UTRN: variants seen among roughly 807,000 people sequenced by gnomAD.
UTRN encodes utrophin.
UTRN carries 283 observed loss-of-function variants against 463.9 expected under a neutral mutation model. The observed-to-expected ratio is 0.61, with a 90% CI of 0.55 to 0.67. The LOEUF (loss-of-function observed/expected upper bound fraction) is 0.67. UTRN is among the 30% of genes least tolerant of loss of function. The pLI is 0.00. For synonymous variants in UTRN, 1,442 were observed against 1,431.5 expected (o/e 1.01, Z -0.17); for missense variants, 3,922 against 4,084.3 (o/e 0.96, Z 1.08).
At chr6:144,527,547 G>GC (rs1354780316) in intron 41 of UTRN, among the ~76,000 whole-genome samples, 1 of 152,200 alleles carries the variant, frequency 6.6e-6, no homozygotes, top group African/African-American at 2.4e-5. Context: ...TAGATCTCTA[G>GC]CAAAGCCGGG....
intron 33 of UTRN, among the ~76,000 whole-genome samples, chr6:144,494,643 G>A (rs1793416455): frequency 6.6e-6 from 1 of 152,164 alleles, no homozygotes; most frequent in Admixed American, 6.5e-5. Context: ...GCTGATTGGT[G>A]CGTTTACAAT....
At chr6:144,724,329 A>G (rs1787596222) in intron 53 of UTRN, among the ~76,000 whole-genome samples, 1 of 149,424 alleles carries the variant, frequency 6.7e-6, no homozygotes, top group Non-Finnish European at 1.5e-5. Context: ...CCCGAGTTCA[A>G]GTGATTCTCC....
intron 13 of UTRN, among the ~76,000 whole-genome samples, chr6:144,441,491 C>G (rs536819162): frequency 6.6e-6 from 1 of 152,232 alleles, no homozygotes; most frequent in African/African-American, 2.4e-5. Context: ...GGTAGGTTCC[C>G]ATGGTCTTGG....
rs937791461 is a variant in UTRN, at chr6:144,286,848, T to C, written c.-93+1027T>C. ...TCGGGTTCTAACTCCACGGCCCCGC[T>C]CTCTGAGGTGTTCAGGACAGGGCCT... is the stretch of plus-strand genomic sequence containing the variant. On this transcript the variant is annotated intron_variant, in intron 1 of 74. Transcript: ENST00000367545. This position sits in a 1 kb window ranked among gnomAD's most constrained non-coding sequence, Gnocchi z 4.4. Among the ~76,000 whole-genome samples the C allele has an allele frequency of 4.6e-5, 7 of 151,584 alleles. No individual in the cohort carries two copies. The highest frequency in any genetic ancestry group is 6.6e-5 in the Admixed American group (1 of 15,216).
At chr6:144,771,820 T>C in intron 58 of UTRN, 87 bp from the exon 59 acceptor site, 1 of 1,088,914 alleles carries the variant, frequency 9.2e-7, no homozygotes, top group East Asian at 2.6e-5. Context: ...TTGAAAAAAA[T>C]CATTTCTACT....
At chr6:144,801,812 A>G (rs9403610) in intron 64 of UTRN, among the ~76,000 whole-genome samples, 16,434 of 152,166 alleles carry the variant, frequency 0.11, 1,246 homozygotes, top group East Asian at 0.45. Flanking sequence ...TGTCATCCCT[A>G]ACATGTGGCT....
intron 51 of UTRN, among the ~76,000 whole-genome samples, chr6:144,629,174 GT>G (rs1422762316): frequency 6.6e-6 from 1 of 152,018 alleles, no homozygotes; most frequent in Admixed American, 6.5e-5. Flanking sequence ...CGTGAGCAAA[GT>G]GTTAGCATAT....
intron 51 of UTRN, among the ~76,000 whole-genome samples, chr6:144,590,259 T>G (rs1006482607): frequency 6.6e-6 from 1 of 152,194 alleles, no homozygotes; most frequent in Non-Finnish European, 1.5e-5. Context: ...GAAATAAAGA[T>G]TTTTAAAAAT....
At chr6:144,463,112 A>T (rs1789583551) in intron 23 of UTRN, among the ~76,000 whole-genome samples, 1 of 152,218 alleles carries the variant, frequency 6.6e-6, no homozygotes. Flanking sequence ...AAAATTGCTT[A>T]AAAATGGTCA....
chr6:144,745,302 T>A (rs1790595246), intron 54 of UTRN, among the ~76,000 whole-genome samples: 1 of 152,292 alleles, frequency 6.6e-6, no homozygotes, highest in East Asian at 1.9e-4. Flanking sequence ...GCCTTTTAGA[T>A]GTTTGAATTT....
intron 2 of UTRN, among the ~76,000 whole-genome samples, chr6:144,388,617 G>A (rs1781626888): frequency 6.6e-6 from 1 of 151,928 alleles, no homozygotes; most frequent in Non-Finnish European, 1.5e-5. Context: ...TCCCACCTCA[G>A]CCACCTGAGT....
At chr6:144,682,275 T>C (rs1295374143) in intron 52 of UTRN, among the ~76,000 whole-genome samples, 2 of 152,204 alleles carry the variant, frequency 1.3e-5, no homozygotes, top group African/African-American at 2.4e-5. Context: ...ACCTGGTTTA[T>C]TTCACTTAAC....
At chr6:144,844,595 A>ATGAT (rs1199513802) in intron 73 of UTRN, among the ~76,000 whole-genome samples, 1 of 152,136 alleles carries the variant, frequency 6.6e-6, no homozygotes, top group Non-Finnish European at 1.5e-5. Flanking sequence ...ACTTGAGTGA[A>ATGAT]TGATTACATT....
chr6:144,672,506 G>T (rs1448372983), intron 51 of UTRN, among the ~76,000 whole-genome samples: 2 of 151,998 alleles, frequency 1.3e-5, no homozygotes, highest in African/African-American at 4.8e-5. Flanking sequence ...AGTATCAGTT[G>T]TAGTATCACC....
chr6:144,577,749 AT>A (rs1227403658), intron 51 of UTRN, among the ~76,000 whole-genome samples: 2 of 152,212 alleles, frequency 1.3e-5, no homozygotes, highest in Non-Finnish European at 2.9e-5. Context: ...GATAACTGTG[AT>A]TGTATATGTA....
At position 144,846,905 on chromosome 6, in the gene UTRN, T is replaced by C. The variant is rs188305067; in HGVS notation, c.10293+78T>C. ...AGCAGATTATCCACGACTGATTTTA[T>C]TCCTACTTTATTCTCCATGTAAATA... is the stretch of plus-strand genomic sequence containing the variant. On this transcript the variant is annotated intron_variant, in intron 74 of 74. Transcript: ENST00000367545. 2.8e-4 allele frequency: 433 copies of C among 1,559,360 alleles called. 1 individual carries two copies. The East Asian group carries it at 8.4e-3, about 30-fold the overall frequency.
intron 2 of UTRN, among the ~76,000 whole-genome samples, chr6:144,372,174 T>A (rs1288045707): frequency 6.6e-6 from 1 of 152,260 alleles, no homozygotes; most frequent in Non-Finnish European, 1.5e-5. Context: ...TAATCATTTT[T>A]AATCCTGCTT....
At position 144,836,239 on chromosome 6, in the gene UTRN, C is replaced by T. The variant is rs111302019; in HGVS notation, c.9825-62C>T. ...ATGAGCTAAATTTGAACCTCACAGA[C>T]GATTTTGGAGAGACGATAATGCACG... On this transcript the variant is annotated intron_variant, in intron 70 of 74. Transcript: ENST00000367545. The T allele has an allele frequency of 2.3e-5, 37 of 1,601,744 alleles. 1 individual carries two copies. The highest frequency in any genetic ancestry group is 1.5e-4 in the African/African-American group (11 of 74,612).
At chr6:144,815,604 G>T (rs1395145621) in intron 65 of UTRN, among the ~76,000 whole-genome samples, 1 of 152,212 alleles carries the variant, frequency 6.6e-6, no homozygotes, top group Non-Finnish European at 1.5e-5. Flanking sequence ...GTTTATGTTC[G>T]AGGGCAGGAA....
Sources: allele counts gnomAD v4.1 joint callset (sites outside exome capture counted in the v4.1 genomes callset), GRCh38; gene constraint gnomAD v4.1.1; non-coding constraint Gnocchi (gnomAD v3.1); transcripts MANE v1.5; gene names NCBI Gene and HGNC (gene_info 2026-07-23, HGNC 2026-07-21).